CAP2: variants seen among roughly 807,000 people sequenced by gnomAD.
CAP2 encodes cyclase associated actin cytoskeleton regulatory protein 2, also known as adenylyl cyclase-associated protein 2.
In CAP2, 24 loss-of-function variants were observed where a neutral mutation model predicts 57.7. The ratio of observed to expected loss-of-function variants is 0.42; its 90% CI spans 0.30 to 0.58. The LOEUF (loss-of-function observed/expected upper bound fraction) is 0.58, where lower values mean the gene tolerates loss of function less well. Ranked by LOEUF, CAP2 falls within the 20% of genes least tolerant of loss-of-function variation. The pLI is 0.22. For synonymous variants in CAP2, 194 were observed against 207.2 expected (o/e 0.94, Z 0.55); for missense variants, 501 against 590.3 (o/e 0.85, Z 1.57).
intron 3 of CAP2, 35 bp downstream of exon 3, chr6:17,426,725 T>C: frequency 2.8e-6 from 4 of 1,442,476 alleles, no homozygotes; most frequent in Non-Finnish European, 3.9e-6. Context: ...CAGTAGAGAG[T>C]TTAAACTTAC....
intron 4 of CAP2, among the ~76,000 whole-genome samples, chr6:17,499,567 A>G (rs1042233448): frequency 1.3e-5 from 2 of 150,496 alleles, no homozygotes; most frequent in Non-Finnish European, 3.0e-5. Context: ...AAGCAAATAT[A>G]GCTCCGGCAC....
chr6:17,438,125 T>C (rs1198559149), intron 3 of CAP2, among the ~76,000 whole-genome samples: 1 of 146,914 alleles, frequency 6.8e-6, no homozygotes, highest in East Asian at 2.1e-4. Context: ...CCCAGTGCTT[T>C]GGGAGGCCAA....
intron 4 of CAP2, among the ~76,000 whole-genome samples, chr6:17,483,627 T>C (rs1455250602): frequency 6.6e-6 from 1 of 152,138 alleles, no homozygotes; most frequent in Non-Finnish European, 1.5e-5. Context: ...AAAGGAAAGG[T>C]ATGAAAGACG....
intron 4 of CAP2, among the ~76,000 whole-genome samples, chr6:17,469,926 C>G (rs1364085443): frequency 6.6e-6 from 1 of 152,152 alleles, no homozygotes; most frequent in African/African-American, 2.4e-5. Flanking sequence ...AGCAAAAAAG[C>G]CTAGCGGCAG....
chr6:17,526,643 G>A (rs1762517828), intron 7 of CAP2, among the ~76,000 whole-genome samples: 2 of 151,992 alleles, frequency 1.3e-5, no homozygotes, highest in Non-Finnish European at 2.9e-5. Flanking sequence ...TCTTCTAAAG[G>A]TAAAACAAAC....
intron 7 of CAP2, among the ~76,000 whole-genome samples, chr6:17,521,639 G>A (rs1234741043): frequency 2.6e-5 from 4 of 152,274 alleles, no homozygotes; most frequent in South Asian, 2.1e-4. Context: ...ACGGAAACGC[G>A]CATTCTAGCT....
intron 3 of CAP2, among the ~76,000 whole-genome samples, chr6:17,462,059 A>C (rs1297158373): frequency 2.0e-5 from 3 of 151,378 alleles, no homozygotes; most frequent in South Asian, 2.1e-4. Flanking sequence ...AACCAAAAAA[A>C]CCCACAAAAA....
At chr6:17,466,912 C>T (rs1447701030) in intron 4 of CAP2, among the ~76,000 whole-genome samples, 2 of 152,078 alleles carry the variant, frequency 1.3e-5, no homozygotes, top group African/African-American at 4.8e-5. Flanking sequence ...TGTTGCAAGT[C>T]AGCTTAGTAT....
intron 7 of CAP2, among the ~76,000 whole-genome samples, chr6:17,526,964 A>AAAG (rs1181048536): frequency 2.0e-5 from 3 of 150,498 alleles, no homozygotes; most frequent in Non-Finnish European, 1.5e-5. Context: ...CTCAAAAAAA[A>AAAG]AAAAAAAAAA....
At chr6:17,519,165 A>G (rs915316378) in intron 7 of CAP2, among the ~76,000 whole-genome samples, 2 of 152,144 alleles carry the variant, frequency 1.3e-5, no homozygotes, top group Non-Finnish European at 2.9e-5. Flanking sequence ...ACGTGGCTCT[A>G]CAAAATCATC....
chr6:17,399,298 G>A (rs1006715916), intron 1 of CAP2, among the ~76,000 whole-genome samples: 9 of 152,108 alleles, frequency 5.9e-5, no homozygotes, highest in African/African-American at 1.9e-4. Context: ...CCTGACCTCA[G>A]GTAATGCACC....
At chr6:17,444,524 C>T (rs909510021) in intron 3 of CAP2, among the ~76,000 whole-genome samples, 1 of 151,348 alleles carries the variant, frequency 6.6e-6, no homozygotes, top group Non-Finnish European at 1.5e-5. Context: ...ACCTGTAGAC[C>T]CAGCTACTCG....
At chr6:17,520,603 T>C (rs1228302177) in intron 7 of CAP2, among the ~76,000 whole-genome samples, 1 of 152,136 alleles carries the variant, frequency 6.6e-6, no homozygotes, top group Non-Finnish European at 1.5e-5. Flanking sequence ...GGTAGATATT[T>C]CTTTTCTTTC....
chr6:17,504,569 T>C (rs1300960608), intron 4 of CAP2, among the ~76,000 whole-genome samples: 1 of 152,168 alleles, frequency 6.6e-6, no homozygotes, highest in Non-Finnish European at 1.5e-5. Flanking sequence ...GCTCCACTAA[T>C]CATTGCTAGC....
intron 4 of CAP2, among the ~76,000 whole-genome samples, chr6:17,484,132 A>T (rs1761363872): frequency 6.6e-6 from 1 of 152,096 alleles, no homozygotes; most frequent in African/African-American, 2.4e-5. Flanking sequence ...TGCAGACCAA[A>T]ATCAAAGACG....
At chr6:17,505,899 T>C (rs748751572) in intron 4 of CAP2, among the ~76,000 whole-genome samples, 7 of 152,142 alleles carry the variant, frequency 4.6e-5, no homozygotes, top group East Asian at 1.9e-4. Flanking sequence ...TTTTTACTTA[T>C]TTACATATTT....
At chr6:17,409,925 C>T (rs1192136417) in intron 1 of CAP2, among the ~76,000 whole-genome samples, 2 of 152,176 alleles carry the variant, frequency 1.3e-5, no homozygotes, top group Admixed American at 6.5e-5. Flanking sequence ...ACTCCCCTCC[C>T]GGCCCTGACT....
At chr6:17,537,680 C>T (rs759574131) in intron 7 of CAP2, among the ~76,000 whole-genome samples, 1 of 152,134 alleles carries the variant, frequency 6.6e-6, no homozygotes, top group Non-Finnish European at 1.5e-5. Flanking sequence ...GTCCAAGCCA[C>T]ATTTCCATTA....
At chr6:17,551,227 G>A (rs1763164547) in intron 11 of CAP2, among the ~76,000 whole-genome samples, 1 of 152,152 alleles carries the variant, frequency 6.6e-6, no homozygotes, top group Non-Finnish European at 1.5e-5. Flanking sequence ...TCTCAGGAAA[G>A]AGACACTGAG....
Sources: allele counts gnomAD v4.1 joint callset (sites outside exome capture counted in the v4.1 genomes callset), GRCh38; gene constraint gnomAD v4.1.1; transcripts MANE v1.5; gene names NCBI Gene and HGNC (gene_info 2026-07-23, HGNC 2026-07-21).